The following TSPAN10 variants were observed in gnomAD, a reference collection of about 807,000 sequenced individuals.
The protein encoded by TSPAN10 is tetraspanin-10.
In TSPAN10, 11 loss-of-function variants were observed where a neutral mutation model predicts 15.0. The ratio of observed to expected loss-of-function variants is 0.73; its 90% CI spans 0.46 to 1.21. The LOEUF is 1.21. Among genes scored for constraint, TSPAN10 ranks in the 50% most tolerant of loss-of-function variants. The pLI is 0.00. For synonymous variants in TSPAN10, 241 were observed against 226.2 expected, an observed-to-expected ratio of 1.07 and a Z score of -0.59; for missense variants, 486 against 470.6, an observed-to-expected ratio of 1.03 and a Z score of -0.30.
At chr17:81,645,854 A>T in intron 2 of TSPAN10, 1 of 639,524 alleles carries the variant, frequency 1.6e-6, no homozygotes, top group Non-Finnish European at 2.7e-6. Flanking sequence ...CACTGACATG[A>T]ACATGTTCTT....
upstream of TSPAN10, chr17:81,637,749 C>T (rs979638447): frequency 1.1e-5 from 2 of 176,446 alleles, no homozygotes; most frequent in African/African-American, 2.4e-5. Context: ...GCCTGACCAA[C>T]GTGGTGAAAC....
In TSPAN10 at chr17:81,643,330, G is replaced by A. The variant is rs867313934; in HGVS notation, c.36+882G>A. The stretch of plus-strand genomic sequence containing the variant: ...AATAATTTTAAAAAATTACCGGGAC[G>A]GCCGGGCGCGGTGGCTCACGCCTGT... On this transcript the variant is annotated intron_variant, in intron 1 of 2. Coordinates refer to ENST00000611590, the Ensembl canonical transcript of TSPAN10. Among the ~76,000 whole-genome samples, 4 of 38,846 alleles carry A rather than the reference G, an allele frequency of 1.0e-4. 1 individual carries two copies. The highest frequency in any genetic ancestry group is 1.6e-4 in the Non-Finnish European group (4 of 24,884). 25.5% of individuals were successfully genotyped at this position (38,846 alleles called of 152,430 possible).
In TSPAN10 at chr17:81,645,413, T is replaced by C. The variant is rs775819802; in HGVS notation, c.458T>C (p.Phe153Ser). 1.3e-5 allele frequency: 21 copies of C among 1,603,938 alleles called. No individual in the cohort carries two copies. In the South Asian group the frequency reaches 2.2e-4, roughly 17 times the overall value. ...GAGAACACCTGCCTGTTACGTGGCT[T>C]CTCTGGGGGCATCCTTGCCTTCCTG... The change falls in exon 2 of 3, where the codon TTC becomes TCC. Residue 153 changes from phenylalanine (F) to serine (S), a missense_variant. Physicochemically the swap from Phe to Ser is radical, Grantham distance 155. Transcript: ENST00000611590.
exon 1 of TSPAN10, chr17:81,637,216 T>A: frequency 2.1e-6 from 1 of 467,578 alleles, no homozygotes; most frequent in South Asian, 3.4e-5. Flanking sequence ...TCCCTGCAAC[T>A]GGAGGAGGGG....
upstream of TSPAN10, among the ~76,000 whole-genome samples, chr17:81,641,903 G>C (rs2036181572): frequency 6.6e-6 from 1 of 151,814 alleles, no homozygotes; most frequent in South Asian, 2.1e-4. Flanking sequence ...GAGGTGATCT[G>C]GTGGGGGGAC....
At chr17:81,645,735 A>G (rs2036243977) in intron 2 of TSPAN10, 106 bp downstream of exon 3, 3 of 1,397,976 alleles carry the variant, frequency 2.1e-6, no homozygotes, top group Non-Finnish European at 3.0e-6. Flanking sequence ...TCATTCGTGC[A>G]TGCCCACATG....
chr17:81,641,889 C>CAAAAACAAGG (rs10699191), upstream of TSPAN10, among the ~76,000 whole-genome samples: 76,261 of 151,460 alleles, frequency 0.5, 21,055 homozygotes, highest in East Asian at 0.99. Flanking sequence ...AAAACAAAAA[C>CAAAAACAAGG]AAGGAGGTGA....
intron 2 of TSPAN10, 144 bp downstream of exon 3, chr17:81,645,773 G>A (rs1343648701): frequency 2.0e-5 from 21 of 1,074,700 alleles, no homozygotes; most frequent in South Asian, 1.9e-4. Flanking sequence ...ACATGTACAC[G>A]CATATCCACA....
chr17:81,645,753 A>C, intron 2 of TSPAN10, 124 bp downstream of exon 3: 1 of 1,233,326 alleles, frequency 8.1e-7, no homozygotes, highest in Non-Finnish European at 1.1e-6. Flanking sequence ...ATGCATGCAC[A>C]CGTATACCCA....
intron 2 of TSPAN10, chr17:81,646,015 G>A (rs1039203264): frequency 3.5e-5 from 12 of 339,366 alleles, no homozygotes; most frequent in Admixed American, 3.1e-4. Context: ...CCCCCAGAAC[G>A]TGCAGGGTGA....
chr17:81,644,963 G>A (rs1448213206), intron 1 of TSPAN10, 29 bp from the exon 3 acceptor site: 1 of 1,606,796 alleles, frequency 6.2e-7, no homozygotes, highest in Admixed American at 1.7e-5. Context: ...GGTGAATGCG[G>A]TCTCACCCTG....
At chr17:81,646,340 A>G (rs2036252407) in intron 2 of TSPAN10, 1 of 151,948 alleles carries the variant, frequency 6.6e-6, no homozygotes, top group Non-Finnish European at 1.5e-5. Context: ...TGCAGCCAAA[A>G]CAGCACCACT....
chr17:81,646,793 T>C (rs1431540574), intron 2 of TSPAN10, among the ~76,000 whole-genome samples: 1 of 152,092 alleles, frequency 6.6e-6, no homozygotes, highest in Non-Finnish European at 1.5e-5. Context: ...GCATTTAGGA[T>C]CCAGTGCAGG....
downstream of TSPAN10, chr17:81,648,727 T>TA (rs1304640422): frequency 6.4e-6 from 1 of 155,940 alleles, no homozygotes; most frequent in Admixed American, 6.5e-5. Context: ...GTATCATTCA[T>TA]ACAGTAAAGA....
upstream of TSPAN10, chr17:81,639,117 T>C (rs1327254696): frequency 6.6e-6 from 1 of 151,974 alleles, no homozygotes; most frequent in Non-Finnish European, 1.5e-5. Flanking sequence ...AAGTCCGATC[T>C]CTTTAACTGT....
chr17:81,644,578 A>G (rs2036217640), intron 1 of TSPAN10, among the ~76,000 whole-genome samples: 1 of 152,202 alleles, frequency 6.6e-6, no homozygotes, highest in Non-Finnish European at 1.5e-5. Flanking sequence ...TGCTGTTTCA[A>G]ACTCTGGGGA....
chr17:81,645,041 G>C (rs780493308), exon 2 of TSPAN10: 1 of 1,595,866 alleles, frequency 6.3e-7, no homozygotes, highest in East Asian at 2.2e-5. Flanking sequence ...CCCACCTCAG[G>C]CTGCCTAGGT....
upstream of TSPAN10, among the ~76,000 whole-genome samples, chr17:81,641,508 G>C (rs1041409665): frequency 6.7e-6 from 1 of 149,738 alleles, no homozygotes; most frequent in African/African-American, 2.5e-5. Flanking sequence ...CCTAAAACTT[G>C]CCCGGTGTGC....
upstream of TSPAN10, among the ~76,000 whole-genome samples, chr17:81,639,985 A>AG (rs1014127012): frequency 1.8e-4 from 27 of 151,770 alleles, no homozygotes; most frequent in Non-Finnish European, 3.5e-4. Context: ...GTCTCAAAAA[A>AG]AAAAAAAAAA....
Sources: gnomAD v4.1 joint callset for allele counts (sites outside exome capture counted in the v4.1 genomes callset) on GRCh38, gnomAD v4.1.1 for gene constraint, MANE v1.5 for transcripts, NCBI Gene and HGNC (gene_info 2026-07-23, HGNC 2026-07-21) for gene names.